Variants in WDR7 observed in about 807,000 individuals in gnomAD.
WDR7 encodes WD repeat domain 7, also known as WD repeat-containing protein 7.
WDR7 carries 46 observed loss-of-function variants against 169.4 expected under a neutral mutation model. That is an observed-to-expected ratio of 0.27 (90% CI 0.21 to 0.35). The LOEUF (loss-of-function observed/expected upper bound fraction) is 0.35, where lower values mean the gene tolerates loss of function less well. Among genes scored for constraint, WDR7 ranks in the 10% least tolerant of loss-of-function variants. The pLI is 1.00. For missense variants in WDR7, 1,534 were observed against 1,859.3 expected (o/e 0.83, Z 3.22); for synonymous variants, 612 against 666.8 (o/e 0.92, Z 1.27).
chr18:56,694,037 GTTTT>G (rs769271777), intron 9 of WDR7, among the ~76,000 whole-genome samples: 8 of 145,668 alleles, frequency 5.5e-5, no homozygotes, highest in Non-Finnish European at 1.2e-4. Flanking sequence ...GCTGGGCTAA[GTTTT>G]TTTTTTTTTC....
At chr18:56,663,437 T>C (rs1273601324) in intron 1 of WDR7, among the ~76,000 whole-genome samples, 2 of 152,222 alleles carry the variant, frequency 1.3e-5, no homozygotes, top group African/African-American at 4.8e-5. Context: ...ATAGTGAGTG[T>C]GATAATGGTA....
intron 14 of WDR7, among the ~76,000 whole-genome samples, chr18:56,749,680 CTG>C (rs760122723): frequency 4.6e-5 from 7 of 151,776 alleles, no homozygotes; most frequent in Non-Finnish European, 7.4e-5. Context: ...CTCTTGAAAA[CTG>C]TAATATTAAA....
At chr18:57,015,602 ATG>A (rs2048195290) in intron 26 of WDR7, among the ~76,000 whole-genome samples, 1 of 152,208 alleles carries the variant, frequency 6.6e-6, no homozygotes, top group Middle Eastern at 3.2e-3. Context: ...CCAGCCAGCC[ATG>A]AAATCTACGG....
At chr18:56,898,486 G>C (rs1322771826) in intron 21 of WDR7, among the ~76,000 whole-genome samples, 3 of 152,024 alleles carry the variant, frequency 2.0e-5, no homozygotes, top group Non-Finnish European at 4.4e-5. Flanking sequence ...ACTGTAATTC[G>C]TTAGCTTAAA....
intron 18 of WDR7, among the ~76,000 whole-genome samples, chr18:56,780,914 A>G (rs912090215): frequency 5.9e-5 from 9 of 152,250 alleles, no homozygotes; most frequent in Admixed American, 6.5e-5. Flanking sequence ...TAAAATTTGT[A>G]TGCTACATTG....
chr18:56,955,680 A>G (rs2047241340), intron 25 of WDR7, among the ~76,000 whole-genome samples: 2 of 152,054 alleles, frequency 1.3e-5, no homozygotes. Context: ...GATGATGATG[A>G]TGATGATGAT....
At chr18:57,035,717 C>T in the WDR7 span, 1 of 152,280 alleles carries the variant, frequency 6.6e-6, no homozygotes, top group Non-Finnish European at 1.5e-5. Context: ...TAATACAGAC[C>T]TGGTGGGTGC....
intron 26 of WDR7, among the ~76,000 whole-genome samples, chr18:56,967,352 T>C (rs8094215): frequency 0.042 from 6,400 of 152,136 alleles, 483 homozygotes; most frequent in African/African-American, 0.14. Flanking sequence ...GTGCTTTTAC[T>C]TGGGAACCGC....
intron 25 of WDR7, among the ~76,000 whole-genome samples, chr18:56,953,968 A>G (rs1320757106): frequency 1.3e-5 from 2 of 152,236 alleles, no homozygotes; most frequent in Non-Finnish European, 2.9e-5. Context: ...TTCATGGCAA[A>G]GAATGAAGAA....
intron 1 of WDR7, among the ~76,000 whole-genome samples, chr18:56,658,152 A>G (rs1173523763): frequency 6.6e-6 from 1 of 152,092 alleles, no homozygotes; most frequent in African/African-American, 2.4e-5. Flanking sequence ...CGCCCAGGCT[A>G]GAGTGCAGTG....
intron 25 of WDR7, among the ~76,000 whole-genome samples, chr18:56,943,982 G>GTTTT (rs397858369): frequency 2.1e-3 from 163 of 78,754 alleles, no homozygotes; most frequent in East Asian, 3.4e-3. Flanking sequence ...TGTTTTGTGG[G>GTTTT]TTTTTTTTTT....
At chr18:56,763,507 A>G (rs1353923754) in intron 16 of WDR7, among the ~76,000 whole-genome samples, 2 of 152,200 alleles carry the variant, frequency 1.3e-5, no homozygotes, top group East Asian at 3.8e-4. Context: ...AAATTTTGTT[A>G]AGGGTGTTCA....
chr18:56,695,318 T>C (rs2025675109), intron 11 of WDR7, 120 bp downstream of exon 11: 1 of 1,297,816 alleles, frequency 7.7e-7, no homozygotes, highest in African/African-American at 1.5e-5. Flanking sequence ...GTTGTTGGGG[T>C]GCTATGTAGT....
chr18:56,756,579 A>G lies in WDR7; in HGVS notation c.1990-4A>G, dbSNP rs76036204. ...TAACTATCTTTTAAAAATATTTATT[A>G]CAGGGAAATTTACCTAAATATTCTC... On this transcript the variant is annotated splice_region_variant and splice_polypyrimidine_tract_variant and intron_variant, in intron 14 of 27. Coordinates refer to ENST00000254442, the MANE Select transcript of WDR7 (RefSeq NM_015285.3). The G allele has an allele frequency of 2.0e-3, 3,126 of 1,560,870 alleles. 71 individuals carry two copies. The African/African-American group carries it at 0.039, about 20-fold the overall frequency.
chr18:57,014,367 A>G (rs1284143270), intron 26 of WDR7, among the ~76,000 whole-genome samples: 1 of 150,332 alleles, frequency 6.7e-6, no homozygotes, highest in African/African-American at 2.4e-5. Flanking sequence ...AATAAAAGAA[A>G]GTCCACATCT....
intron 14 of WDR7, among the ~76,000 whole-genome samples, chr18:56,742,965 C>G (rs2043643498): frequency 1.3e-5 from 2 of 152,066 alleles, no homozygotes; most frequent in African/African-American, 4.8e-5. Context: ...GCTTCGTAAC[C>G]CTACTCTCAA....
At position 56,706,122 on chromosome 18, in the gene WDR7, A is replaced by G. The variant is rs566401136; in HGVS notation, c.1578+9660A>G. ...TTAGGTAGGGAAGAAAAAAGTAAAG[A>G]TAATAAAATATGGGACTGTACTGAG... On this transcript the variant is annotated intron_variant, in intron 12 of 27. Coordinates refer to ENST00000254442, the MANE Select transcript of WDR7 (RefSeq NM_015285.3). Among the ~76,000 whole-genome samples, 5 of 152,382 alleles carry G rather than the reference A, an allele frequency of 3.3e-5. No homozygotes were observed. In the South Asian group the frequency reaches 1.0e-3, roughly 32 times the overall value.
intron 12 of WDR7, among the ~76,000 whole-genome samples, chr18:56,697,372 C>T (rs2025726898): frequency 6.6e-6 from 1 of 152,184 alleles, no homozygotes. Context: ...TTTTATCAAC[C>T]ATGTTCTGCC....
chr18:56,844,607 A>T (rs2045540513), intron 20 of WDR7, among the ~76,000 whole-genome samples: 1 of 152,208 alleles, frequency 6.6e-6, no homozygotes, highest in South Asian at 2.1e-4. Flanking sequence ...TGCTTATGGT[A>T]AGAGAATAAA....
Sources: gnomAD v4.1 joint callset for allele counts (sites outside exome capture counted in the v4.1 genomes callset) on GRCh38, gnomAD v4.1.1 for gene constraint, MANE v1.5 for transcripts, NCBI Gene and HGNC (gene_info 2026-07-23, HGNC 2026-07-21) for gene names.